The following GALNT7 variants were observed in gnomAD, a reference collection of about 807,000 sequenced individuals.
The protein encoded by GALNT7 is N-acetylgalactosaminyltransferase 7.
In GALNT7, 60 loss-of-function variants were observed where a neutral mutation model predicts 82.1. The ratio of observed to expected loss-of-function variants is 0.73; its 90% CI spans 0.59 to 0.91. The LOEUF is 0.91. GALNT7 is among the 40% of genes least tolerant of loss of function. GALNT7 has a pLI of 0.00. For synonymous variants in GALNT7, 243 were observed against 275.1 expected, an observed-to-expected ratio of 0.88 and a Z score of 1.15; for missense variants, 660 against 804.2, an observed-to-expected ratio of 0.82 and a Z score of 2.17.
chr4:173,224,097 C>A (rs1424823408), intron 1 of GALNT7, among the ~76,000 whole-genome samples: 1 of 152,054 alleles, frequency 6.6e-6, no homozygotes. Context: ...AGGAAACCAT[C>A]CTTTTGTCCC....
chr4:173,313,828 A>T, intron 8 of GALNT7, 130 bp from the exon 9 acceptor site: 2 of 392,798 alleles, frequency 5.1e-6, no homozygotes, highest in South Asian at 1.6e-4. Flanking sequence ...TTGTTGTTTA[A>T]TTAAATGCCA....
chr4:173,262,033 C>T (rs931526473), intron 2 of GALNT7, among the ~76,000 whole-genome samples: 2 of 151,782 alleles, frequency 1.3e-5, no homozygotes, highest in Non-Finnish European at 2.9e-5. Flanking sequence ...TAGATTTTTA[C>T]CAACTTCTGT....
chr4:173,221,427 T>G (rs1178648810), intron 1 of GALNT7, among the ~76,000 whole-genome samples: 1 of 152,176 alleles, frequency 6.6e-6, no homozygotes, highest in Non-Finnish European at 1.5e-5. Flanking sequence ...GGAGAAGCAA[T>G]CAATGCTGAG....
intron 2 of GALNT7, among the ~76,000 whole-genome samples, chr4:173,260,739 G>A (rs1204390962): frequency 1.3e-5 from 2 of 152,128 alleles, no homozygotes; most frequent in African/African-American, 2.4e-5. Flanking sequence ...AGTTCCTATG[G>A]CATGTTTCTG....
intron 6 of GALNT7, among the ~76,000 whole-genome samples, chr4:173,300,349 C>G (rs528743531): frequency 1.2e-4 from 19 of 152,188 alleles, no homozygotes; most frequent in African/African-American, 4.3e-4. Flanking sequence ...TCTCACAAAA[C>G]AAACAAAACT....
chr4:173,234,519 T>G (rs1022578158), intron 1 of GALNT7, among the ~76,000 whole-genome samples: 1 of 152,194 alleles, frequency 6.6e-6, no homozygotes, highest in African/African-American at 2.4e-5. Context: ...GTTACAAATC[T>G]TAAAGTCATT....
Position 173,292,219 on chromosome 4 carries a change from G to A in GALNT7, c.699G>A (p.Arg233=). ...GAACAGTCCACAGTGTAATTAAAAG[G>A]ACTCCAAGGAAATATTTAGCAGAAA... ...LMRTVHSVIK[R]TPRKYLAEIV... Residue 233 remains arginine, a synonymous_variant, in exon 3 of 12, where the codon AGG becomes AGA. Coordinates refer to ENST00000265000, the MANE Select transcript of GALNT7 (RefSeq NM_017423.3). This position sits in a 1 kb window ranked among gnomAD's most constrained non-coding sequence, Gnocchi z 4.8. 6.3e-7 allele frequency: 1 copy of A among 1,582,706 alleles called. No individual in the cohort carries two copies. The highest frequency in any genetic ancestry group is 2.3e-5 in the East Asian group (1 of 43,216).
chr4:173,284,524 C>T (rs1249913900), intron 2 of GALNT7, among the ~76,000 whole-genome samples: 2 of 152,108 alleles, frequency 1.3e-5, no homozygotes, highest in Non-Finnish European at 2.9e-5. Flanking sequence ...GTTAAATAAT[C>T]CTGTTTACCT....
chr4:173,171,015 T>A (rs1346483830), intron 1 of GALNT7, among the ~76,000 whole-genome samples: 1 of 152,188 alleles, frequency 6.6e-6, no homozygotes, highest in Non-Finnish European at 1.5e-5. Context: ...CAGTGTAATT[T>A]CTGTCATTTG....
chr4:173,221,422 A>G (rs969262445), intron 1 of GALNT7, among the ~76,000 whole-genome samples: 1 of 152,250 alleles, frequency 6.6e-6, no homozygotes, highest in African/African-American at 2.4e-5. Context: ...AAAATGGAGA[A>G]GCAATCAATG....
At chr4:173,202,805 C>T (rs1405743878) in intron 1 of GALNT7, among the ~76,000 whole-genome samples, 1 of 152,140 alleles carries the variant, frequency 6.6e-6, no homozygotes, top group African/African-American at 2.4e-5. Flanking sequence ...GTCTGTCTCT[C>T]CCTTCACATC....
At chr4:173,169,941 A>G (rs1318200071) in intron 1 of GALNT7, among the ~76,000 whole-genome samples, 3 of 151,980 alleles carry the variant, frequency 2.0e-5, no homozygotes, top group Non-Finnish European at 4.4e-5. Context: ...CTCCGCTGGG[A>G]CGCATTTGTC....
chr4:173,304,698 C>G (rs1471328855), intron 8 of GALNT7, among the ~76,000 whole-genome samples: 1 of 152,036 alleles, frequency 6.6e-6, no homozygotes, highest in Non-Finnish European at 1.5e-5. Flanking sequence ...GCCCACTCCC[C>G]CCAATCCTCA....
intron 1 of GALNT7, among the ~76,000 whole-genome samples, chr4:173,193,608 TA>T (rs1359886002): frequency 1.5e-4 from 23 of 152,174 alleles, no homozygotes; most frequent in Admixed American, 3.3e-4. Flanking sequence ...TTTTTGACAA[TA>T]AAATAATCAT....
chr4:173,188,299 G>A (rs1423592055), intron 1 of GALNT7, among the ~76,000 whole-genome samples: 1 of 152,156 alleles, frequency 6.6e-6, no homozygotes, highest in African/African-American at 2.4e-5. Flanking sequence ...TGACTGCAGA[G>A]CCTACCTTTT....
chr4:173,183,725 CGG>C (rs1732355650), intron 1 of GALNT7, among the ~76,000 whole-genome samples: 1 of 149,214 alleles, frequency 6.7e-6, no homozygotes, highest in East Asian at 2.0e-4. Flanking sequence ...GACGGGGCGG[CGG>C]CCGGGCGGGG....
chr4:173,194,663 G>A (rs1266535387), intron 1 of GALNT7, among the ~76,000 whole-genome samples: 1 of 151,936 alleles, frequency 6.6e-6, no homozygotes, highest in Non-Finnish European at 1.5e-5. Context: ...GTTATATTTT[G>A]AGTTCTAGGG....
intron 2 of GALNT7, among the ~76,000 whole-genome samples, chr4:173,250,867 G>A (rs1405002096): frequency 6.6e-6 from 1 of 152,070 alleles, no homozygotes; most frequent in Non-Finnish European, 1.5e-5. Flanking sequence ...CTCCATGAAT[G>A]CTTGTTCCTT....
At chr4:173,196,845 G>A (rs1409658576) in intron 1 of GALNT7, among the ~76,000 whole-genome samples, 3 of 152,164 alleles carry the variant, frequency 2.0e-5, no homozygotes, top group Non-Finnish European at 2.9e-5. Flanking sequence ...CAGGTTTGAT[G>A]ACTATAGTGT....
Sources: gnomAD v4.1 joint callset for allele counts (sites outside exome capture counted in the v4.1 genomes callset) on GRCh38, gnomAD v4.1.1 for gene constraint, Gnocchi (gnomAD v3.1) non-coding constraint, MANE v1.5 for transcripts, NCBI Gene and HGNC (gene_info 2026-07-23, HGNC 2026-07-21) for gene names.